EIF4G3: variants seen among roughly 807,000 people sequenced by gnomAD.
EIF4G3 encodes eIF-4-gamma 3.
Under a neutral mutation model 186.4 loss-of-function variants are expected in EIF4G3, and 34 were observed. The observed-to-expected ratio is 0.18, with a 90% CI of 0.14 to 0.24. The LOEUF is 0.24. EIF4G3 is among the 10% of genes least tolerant of loss of function. The pLI is 1.00. For missense variants in EIF4G3, 1,536 were observed against 1,948.5 expected (o/e 0.79, Z 3.99); for synonymous variants, 673 against 679.5 (o/e 0.99, Z 0.15).
intron 3 of EIF4G3, among the ~76,000 whole-genome samples, chr1:21,053,605 C>A (rs1276714290): frequency 4.9e-5 from 7 of 141,454 alleles, no homozygotes; most frequent in South Asian, 4.3e-4. Flanking sequence ...GGGGGTCAGC[C>A]CCCCGCCCGG....
chr1:21,036,416 G>A (rs2093203707), intron 4 of EIF4G3, among the ~76,000 whole-genome samples: 1 of 152,040 alleles, frequency 6.6e-6, no homozygotes, highest in African/African-American at 2.4e-5. Flanking sequence ...GGCCACAGAG[G>A]TTTCTGGCCA....
At chr1:21,141,076 A>G (rs1347674631) in intron 2 of EIF4G3, among the ~76,000 whole-genome samples, 1 of 152,202 alleles carries the variant, frequency 6.6e-6, no homozygotes, top group Non-Finnish European at 1.5e-5. Context: ...AACTGTTCTA[A>G]GAACTTCACA....
Position 21,051,616 on chromosome 1 carries a change from C to T in EIF4G3, c.-195-622G>A, listed in dbSNP as rs1346425332. Among the ~76,000 whole-genome samples the T allele has an allele frequency of 2.6e-5, 4 of 152,144 alleles. No individual in the cohort carries two copies. The East Asian group carries it at 5.8e-4, about 22-fold the overall frequency. On this transcript the variant is annotated intron_variant, in intron 3 of 36. Transcript: ENST00000602326. ...CCTGTAATCCCAGCACTTTGGGAGG[C>T]CAACACAGGAAGACTGCTTAAGAAC...
intron 4 of EIF4G3, among the ~76,000 whole-genome samples, chr1:21,030,490 C>G (rs1442812942): frequency 6.6e-6 from 1 of 152,170 alleles, no homozygotes; most frequent in Non-Finnish European, 1.5e-5. Flanking sequence ...GAGGCCTCCC[C>G]AGCCATGTGG....
In EIF4G3 at chr1:20,922,950, G is replaced by A. The variant is rs2094583086; in HGVS notation, c.1664-17979C>T. On this transcript the variant is annotated intron_variant, in intron 14 of 36. Transcript: ENST00000602326. ...ATGTCTCTCTAGAACAACAATACTG[G>A]TTAAATCTCTTTGTGTAGGTAGTAT... Among the ~76,000 whole-genome samples, 3 of 152,138 alleles carry A rather than the reference G, an allele frequency of 2.0e-5. No homozygotes were observed. The South Asian group carries it at 6.2e-4, about 32-fold the overall frequency.
intron 4 of EIF4G3, among the ~76,000 whole-genome samples, chr1:21,027,358 C>G (rs1218937445): frequency 6.6e-6 from 1 of 151,740 alleles, no homozygotes; most frequent in African/African-American, 2.4e-5. Flanking sequence ...ATGCTCAGCA[C>G]AGTGGCTCGT....
intron 2 of EIF4G3, among the ~76,000 whole-genome samples, chr1:21,136,039 C>T (rs1048627710): frequency 6.6e-6 from 1 of 151,080 alleles, no homozygotes; most frequent in Non-Finnish European, 1.5e-5. Flanking sequence ...AAAAATTAGC[C>T]GGGCACGGTG....
At chr1:20,981,571 C>T (rs148478198) in intron 8 of EIF4G3, among the ~76,000 whole-genome samples, 8 of 134,858 alleles carry the variant, frequency 5.9e-5, no homozygotes, top group African/African-American at 1.9e-4. Context: ...TACATGTATA[C>T]GCACATACTG....
chr1:21,148,431 G>A (rs1404865005), intron 2 of EIF4G3, among the ~76,000 whole-genome samples: 6 of 151,950 alleles, frequency 3.9e-5, no homozygotes, highest in South Asian at 2.1e-4. Context: ...AGCCGGGCGC[G>A]GTGGCTCACA....
At chr1:20,850,839 G>A (rs913599715) in intron 28 of EIF4G3, among the ~76,000 whole-genome samples, 14 of 152,080 alleles carry the variant, frequency 9.2e-5, no homozygotes, top group African/African-American at 2.9e-4. Context: ...AGGTTACCAC[G>A]GAAGATGAAG....
intron 12 of EIF4G3, among the ~76,000 whole-genome samples, chr1:20,954,534 CAA>C (rs35942587): frequency 0.012 from 581 of 49,296 alleles, no homozygotes; most frequent in Non-Finnish European, 0.015. Flanking sequence ...GACCCCGTCT[CAA>C]AAAAAAAAAA....
intron 14 of EIF4G3, among the ~76,000 whole-genome samples, chr1:20,924,178 C>T (rs535161194): frequency 6.6e-6 from 1 of 152,096 alleles, no homozygotes; most frequent in Non-Finnish European, 1.5e-5. Context: ...ATTTATAACT[C>T]ATTTTAACAT....
intron 32 of EIF4G3, among the ~76,000 whole-genome samples, chr1:20,826,476 T>A (rs1050489290): frequency 7.8e-6 from 1 of 128,330 alleles, no homozygotes; most frequent in African/African-American, 2.8e-5. Context: ...AGAATGTGAG[T>A]CTTTCTTTTT....
chr1:20,850,898 C>T (rs1023693113), intron 28 of EIF4G3, among the ~76,000 whole-genome samples: 3 of 152,252 alleles, frequency 2.0e-5, no homozygotes, highest in Non-Finnish European at 4.4e-5. Flanking sequence ...CTTGCAGTGG[C>T]TCAATGAGAA....
chr1:20,965,116 C>G (rs542325031), intron 12 of EIF4G3, among the ~76,000 whole-genome samples: 1 of 152,106 alleles, frequency 6.6e-6, no homozygotes, highest in African/African-American at 2.4e-5. Flanking sequence ...ACAAACACAC[C>G]CAAACATAAC....
intron 2 of EIF4G3, among the ~76,000 whole-genome samples, chr1:21,145,434 C>A (rs930196645): frequency 6.6e-6 from 1 of 151,310 alleles, no homozygotes; most frequent in African/African-American, 2.4e-5. Flanking sequence ...TTATTTTATG[C>A]CTTTTTTTTT....
In EIF4G3 at chr1:21,041,994, T is replaced by C. The variant is rs139046254; in HGVS notation, c.-67+8872A>G. 8.7e-3 allele frequency among the ~76,000 whole-genome samples: 1,323 copies of C among 151,990 alleles called. 18 individuals carry two copies. The highest frequency in any genetic ancestry group is 0.026 in the African/African-American group (1,075 of 41,510). On this transcript the variant is annotated intron_variant, in intron 4 of 36. Coordinates refer to ENST00000602326, the MANE Select transcript of EIF4G3 (RefSeq NM_001391906.1). ...TAACAAATTTCTTTTCTTTTCTTTT[T>C]TTTTTTTTTGGAGACAGGGTCTCAC...
At chr1:21,160,708 G>A (rs946475069) in intron 2 of EIF4G3, among the ~76,000 whole-genome samples, 1 of 152,156 alleles carries the variant, frequency 6.6e-6, no homozygotes, top group Non-Finnish European at 1.5e-5. Flanking sequence ...ATCTTCAAAA[G>A]TGTCAAAGTC....
intron 18 of EIF4G3, among the ~76,000 whole-genome samples, chr1:20,892,462 G>A (rs1417230811): frequency 6.6e-6 from 1 of 152,200 alleles, no homozygotes; most frequent in Non-Finnish European, 1.5e-5. Flanking sequence ...GCCACTGGGG[G>A]TGTAATGGCA....
Sources: gnomAD v4.1 joint callset for allele counts (sites outside exome capture counted in the v4.1 genomes callset) on GRCh38, gnomAD v4.1.1 for gene constraint, MANE v1.5 for transcripts, NCBI Gene and HGNC (gene_info 2026-07-23, HGNC 2026-07-21) for gene names.